Variants in RAD51B observed in about 807,000 individuals in gnomAD.
RAD51B encodes the protein DNA repair protein RAD51 homolog 2.
Under a neutral mutation model 42.2 loss-of-function variants are expected in RAD51B, and 38 were observed. The observed-to-expected ratio is 0.90, with a 90% CI of 0.70 to 1.18. RAD51B has a LOEUF of 1.18. Ranked by LOEUF, RAD51B falls within the 50% of genes most tolerant of loss-of-function variation. The probability of loss-of-function intolerance (pLI) is 0.00; values close to 1 mark genes in which losing one functional copy is unlikely to be tolerated. For synonymous variants in RAD51B, 154 were observed against 145.2 expected, an observed-to-expected ratio of 1.06 and a Z score of -0.43; for missense variants, 373 against 400.7, an observed-to-expected ratio of 0.93 and a Z score of 0.59.
chr14:68,166,908 A>T (rs989452078), intron 7 of RAD51B, among the ~76,000 whole-genome samples: 7 of 152,112 alleles, frequency 4.6e-5, no homozygotes, highest in African/African-American at 1.7e-4. Context: ...CAACATCTGT[A>T]GATTTAACTG....
At chr14:68,379,269 A>G (rs1023513561) in intron 8 of RAD51B, among the ~76,000 whole-genome samples, 3 of 152,260 alleles carry the variant, frequency 2.0e-5, no homozygotes, top group Admixed American at 6.5e-5. Context: ...AATAAATTAT[A>G]TCATTAATTA....
chr14:68,399,990 A>G (rs1169217676), intron 8 of RAD51B, among the ~76,000 whole-genome samples: 1 of 152,212 alleles, frequency 6.6e-6, no homozygotes, highest in South Asian at 2.1e-4. Flanking sequence ...ATTTCCTAAT[A>G]AACAAATCAT....
chr14:68,080,697 G>A (rs1002255929), intron 7 of RAD51B, among the ~76,000 whole-genome samples: 7 of 152,112 alleles, frequency 4.6e-5, no homozygotes, highest in Non-Finnish European at 7.4e-5. Context: ...CTATTCAGGA[G>A]CATTAACTGA....
chr14:68,216,353 T>C (rs2140954115), intron 7 of RAD51B, among the ~76,000 whole-genome samples: 2 of 152,332 alleles, frequency 1.3e-5, no homozygotes, highest in East Asian at 3.9e-4. Context: ...GTGAACTGTA[T>C]GGTAGGTGCT....
At chr14:67,844,217 T>C (rs1228854522) in intron 4 of RAD51B, among the ~76,000 whole-genome samples, 1 of 152,110 alleles carries the variant, frequency 6.6e-6, no homozygotes, top group Non-Finnish European at 1.5e-5. Context: ...AAGAGTGTGA[T>C]TGGTATGATT....
chr14:68,682,223 G>A (rs907625929), intron 11 of RAD51B, among the ~76,000 whole-genome samples: 10 of 151,602 alleles, frequency 6.6e-5, no homozygotes, highest in East Asian at 3.9e-4. Flanking sequence ...CAAACCCATC[G>A]CCTGGCCACA....
chr14:68,612,605 G>A (rs1324825979), downstream of RAD51B, among the ~76,000 whole-genome samples: 1 of 152,278 alleles, frequency 6.6e-6, no homozygotes, highest in Non-Finnish European at 1.5e-5. Flanking sequence ...ATTACCAGAG[G>A]TTGGGGTGGA....
intron 7 of RAD51B, among the ~76,000 whole-genome samples, chr14:68,106,716 G>GTGA (rs1016368806): frequency 2.6e-5 from 4 of 151,762 alleles, no homozygotes; most frequent in African/African-American, 4.8e-5. Flanking sequence ...TAATCTCATA[G>GTGA]TGATGATGAT....
chr14:68,043,926 A>C (rs2076255511), intron 7 of RAD51B, among the ~76,000 whole-genome samples: 1 of 152,234 alleles, frequency 6.6e-6, no homozygotes, highest in South Asian at 2.1e-4. Flanking sequence ...TTGTAAAAGA[A>C]GGAACTGTGC....
At chr14:68,013,487 T>C (rs1865601821) in intron 7 of RAD51B, among the ~76,000 whole-genome samples, 1 of 152,216 alleles carries the variant, frequency 6.6e-6, no homozygotes, top group South Asian at 2.1e-4. Flanking sequence ...GGAAATATGA[T>C]CTGCCACAAT....
At chr14:68,509,723 G>C (rs1013088971) in intron 10 of RAD51B, among the ~76,000 whole-genome samples, 1 of 152,238 alleles carries the variant, frequency 6.6e-6, no homozygotes, top group African/African-American at 2.4e-5. Context: ...TAAAGGGGCA[G>C]ATAGTGACTA....
intron 7 of RAD51B, among the ~76,000 whole-genome samples, chr14:68,207,712 G>A (rs796512070): frequency 1.8e-4 from 27 of 152,238 alleles, no homozygotes; most frequent in African/African-American, 6.3e-4. Flanking sequence ...GAGTCATGGT[G>A]GTCAGGATTA....
At chr14:68,541,161 T>C in intron 10 of RAD51B, 3 of 985,478 alleles carry the variant, frequency 3.0e-6, no homozygotes, top group Non-Finnish European at 3.6e-6. Flanking sequence ...TTCCTGGGAC[T>C]GCCCAAGCCA....
chr14:68,256,755 T>C (rs2080761454), intron 7 of RAD51B, among the ~76,000 whole-genome samples: 1 of 152,114 alleles, frequency 6.6e-6, no homozygotes, highest in African/African-American at 2.4e-5. Flanking sequence ...CACCAATCTC[T>C]CTTGCCCCTA....
chr14:68,176,784 A>G (rs1031491382), intron 7 of RAD51B, among the ~76,000 whole-genome samples: 1 of 152,192 alleles, frequency 6.6e-6, no homozygotes, highest in African/African-American at 2.4e-5. Context: ...ATAAATAGTT[A>G]TAGCAGTGCC....
At chr14:68,202,573 C>CTTTT (rs145298493) in intron 7 of RAD51B, among the ~76,000 whole-genome samples, 1 of 81,648 alleles carries the variant, frequency 1.2e-5, no homozygotes, top group Non-Finnish European at 2.4e-5. Flanking sequence ...GAAGCAACGT[C>CTTTT]TTTTTTTTTT....
chr14:68,048,439 A>C (rs1194180298), intron 7 of RAD51B, among the ~76,000 whole-genome samples: 1 of 152,126 alleles, frequency 6.6e-6, no homozygotes, highest in Non-Finnish European at 1.5e-5. Context: ...GAAGCTCTTT[A>C]GTTTAATTAG....
chr14:68,548,365 C>T (rs1054891498), intron 10 of RAD51B, among the ~76,000 whole-genome samples: 1 of 152,244 alleles, frequency 6.6e-6, no homozygotes, highest in African/African-American at 2.4e-5. Flanking sequence ...CCCACTCAGG[C>T]TCGTGCGTCA....
intron 10 of RAD51B, among the ~76,000 whole-genome samples, chr14:68,571,691 G>A (rs1889710241): frequency 6.6e-6 from 1 of 152,180 alleles, no homozygotes; most frequent in African/African-American, 2.4e-5. Flanking sequence ...TAGGCTTCAG[G>A]AAATAGGCCG....
Sources: allele counts gnomAD v4.1 joint callset (sites outside exome capture counted in the v4.1 genomes callset), GRCh38; gene constraint gnomAD v4.1.1; transcripts MANE v1.5; gene names NCBI Gene and HGNC (gene_info 2026-07-23, HGNC 2026-07-21).